The following ARHGAP6 variants were observed in gnomAD, a reference collection of about 807,000 sequenced individuals.
ARHGAP6 encodes the protein rho GTPase-activating protein 6.
ARHGAP6 carries 16 observed loss-of-function variants against 55.7 expected under a neutral mutation model. The observed-to-expected ratio is 0.29, with a 90% CI of 0.19 to 0.44. ARHGAP6 has a LOEUF of 0.44. ARHGAP6 is among the 20% of genes least tolerant of loss of function. ARHGAP6 has a pLI of 1.00. For synonymous variants in ARHGAP6, 382 were observed against 360.9 expected (o/e 1.06, Z -0.66); for missense variants, 698 against 808.9 (o/e 0.86, Z 1.66).
chrX:11,139,276 C>A lies in ARHGAP6; in HGVS notation c.2512G>T (p.Glu838Ter). 2 of 1,192,074 alleles carry A rather than the reference C, an allele frequency of 1.7e-6. No individual in the cohort carries two copies. The highest frequency in any genetic ancestry group is 2.3e-6 in the Non-Finnish European group (2 of 886,418). ...GKAERPTARS[E>*]QYLTLSGAHD... ...GCGCCGCTCAGGGTCAAGTACTGCTCCGACCTGGCCGTGGGCCGCTCGGCT... is the reference window on the plus strand; with the variant it reads ...GCGCCGCTCAGGGTCAAGTACTGCTACGACCTGGCCGTGGGCCGCTCGGCT... Residue 838 changes from glutamate (E) to a stop codon, truncating the protein, a stop_gained, in exon 13 of 13, where the codon GAG becomes TAG. Transcript: ENST00000337414. LOFTEE classifies it low-confidence loss of function (END_TRUNC).
At chrX:11,513,922 G>T (rs2050808792) in intron 1 of ARHGAP6, among the ~76,000 whole-genome samples, 1 of 110,147 alleles carries the variant, frequency 9.1e-6, no homozygotes, top group Non-Finnish European at 1.9e-5. Flanking sequence ...AGCATTTTGG[G>T]AGGCCAAGAA....
chrX:11,428,908 G>A (rs2049916579), intron 1 of ARHGAP6, among the ~76,000 whole-genome samples: 1 of 111,760 alleles, frequency 8.9e-6, no homozygotes, highest in South Asian at 3.9e-4. Context: ...TATCCACCTG[G>A]AAAACTGGAT....
At chrX:11,290,931 T>C (rs1185101197) in intron 1 of ARHGAP6, among the ~76,000 whole-genome samples, 3 of 112,252 alleles carry the variant, frequency 2.7e-5, no homozygotes, top group African/African-American at 9.7e-5. Context: ...TTTAACAAGC[T>C]TGGGCATATG....
chrX:11,509,517 G>T (rs770215975), intron 1 of ARHGAP6, among the ~76,000 whole-genome samples: 1 of 111,651 alleles, frequency 9.0e-6, no homozygotes, highest in African/African-American at 3.2e-5. Flanking sequence ...CAAACACTGA[G>T]GCTCTGCCAA....
chrX:11,457,308 T>C (rs1001178474), intron 1 of ARHGAP6, among the ~76,000 whole-genome samples: 1 of 111,806 alleles, frequency 8.9e-6, no homozygotes, highest in African/African-American at 3.3e-5. Context: ...AGGTGACTTA[T>C]GGGAGTCAGG....
At chrX:11,466,722 T>C (rs1407185896) in intron 1 of ARHGAP6, among the ~76,000 whole-genome samples, 2 of 111,402 alleles carry the variant, frequency 1.8e-5, no homozygotes, top group Admixed American at 9.5e-5. Flanking sequence ...CACACTGATC[T>C]TGAATCCCTG....
intron 1 of ARHGAP6, among the ~76,000 whole-genome samples, chrX:11,307,514 G>C (rs1184113937): frequency 8.9e-6 from 1 of 112,151 alleles, no homozygotes; most frequent in Admixed American, 9.4e-5. Flanking sequence ...TTGCACAGCT[G>C]CATGCAATAA....
intron 1 of ARHGAP6, among the ~76,000 whole-genome samples, chrX:11,369,702 G>A (rs1026215794): frequency 1.8e-5 from 2 of 112,057 alleles, no homozygotes; most frequent in South Asian, 3.7e-4. Flanking sequence ...CAAAACTGGT[G>A]GTAGCTGAAA....
chrX:11,651,823 T>C (rs2052587677), intron 1 of ARHGAP6, among the ~76,000 whole-genome samples: 1 of 112,003 alleles, frequency 8.9e-6, no homozygotes, highest in African/African-American at 3.2e-5. Flanking sequence ...TTTTTAATAG[T>C]AGCCATTCTG....
At chrX:11,446,745 ATACTT>A (rs1330408662) in intron 1 of ARHGAP6, among the ~76,000 whole-genome samples, 1 of 112,406 alleles carries the variant, frequency 8.9e-6, no homozygotes, top group Non-Finnish European at 1.9e-5. Context: ...AAATATGTAA[ATACTT>A]TACAGAGACA....
At chrX:11,494,368 C>G (rs775842698) in intron 1 of ARHGAP6, among the ~76,000 whole-genome samples, 1 of 112,364 alleles carries the variant, frequency 8.9e-6, no homozygotes, top group African/African-American at 3.2e-5. Flanking sequence ...CCTGGACATG[C>G]TATAAAAACT....
chrX:11,200,639 C>G (rs2046606868), intron 2 of ARHGAP6, among the ~76,000 whole-genome samples: 1 of 112,275 alleles, frequency 8.9e-6, no homozygotes, highest in African/African-American at 3.2e-5. Context: ...TCTAGTTAGA[C>G]TAGCTCTCTG....
Position 11,628,989 on chromosome X carries a change from G to A in ARHGAP6, c.588+35252C>T, listed in dbSNP as rs1214736126. 1.6e-4 allele frequency among the ~76,000 whole-genome samples: 13 copies of A among 82,720 alleles called. No individual in the cohort carries two copies. In the Admixed American group the frequency reaches 1.9e-3, roughly 12 times the overall value. 71.8% of individuals were successfully genotyped at this position (82,720 alleles called of 115,157 possible). On this transcript the variant is annotated intron_variant, in intron 1 of 12. Coordinates refer to ENST00000337414, the MANE Select transcript of ARHGAP6 (RefSeq NM_013427.3). ...TCATCCCCATGCTTCAGATACGTGT[G>A]TGTGTGTGTGTGTGTGTGTGTGTGT... is the stretch of plus-strand genomic sequence containing the variant.
At chrX:11,538,850 T>TGG (rs1569388700) in intron 1 of ARHGAP6, among the ~76,000 whole-genome samples, 13 of 60,155 alleles carry the variant, frequency 2.2e-4, no homozygotes, top group African/African-American at 8.1e-4. Flanking sequence ...GTGTGTGTGG[T>TGG]TTTTTTTTTT....
chrX:11,182,211 G>A (rs993146734), intron 5 of ARHGAP6, 93 bp from the exon 6 acceptor site: 15 of 672,587 alleles, frequency 2.2e-5, no homozygotes, highest in Middle Eastern at 3.2e-4. Context: ...GCACAGTGCC[G>A]TAACATGTAG....
intron 5 of ARHGAP6, among the ~76,000 whole-genome samples, chrX:11,182,635 C>CTTTTTTTTT (rs1043810466): frequency 1.3e-4 from 11 of 83,122 alleles, no homozygotes; most frequent in Non-Finnish European, 1.9e-4. Flanking sequence ...TTCCTTTTTT[C>CTTTTTTTTT]TTTTTTTTTT....
chrX:11,568,497 C>T (rs981788657), intron 1 of ARHGAP6, among the ~76,000 whole-genome samples: 2 of 112,355 alleles, frequency 1.8e-5, no homozygotes, highest in African/African-American at 6.5e-5. Context: ...TCTGGCCAAA[C>T]GCAGTGGCTC....
At chrX:11,216,487 C>CA (rs2046884778) in intron 2 of ARHGAP6, among the ~76,000 whole-genome samples, 1 of 111,339 alleles carries the variant, frequency 9.0e-6, no homozygotes, top group Non-Finnish European at 1.9e-5. Context: ...AACCCTGTCT[C>CA]ACCAAAAATA....
At chrX:11,296,213 T>A (rs763630956) in intron 1 of ARHGAP6, among the ~76,000 whole-genome samples, 1 of 112,427 alleles carries the variant, frequency 8.9e-6, no homozygotes, top group East Asian at 2.8e-4. Flanking sequence ...CTTCTTTTGT[T>A]GTATGGAAGT....
Sources: gnomAD v4.1 joint callset for allele counts (sites outside exome capture counted in the v4.1 genomes callset) on GRCh38, gnomAD v4.1.1 for gene constraint, MANE v1.5 for transcripts, NCBI Gene and HGNC (gene_info 2026-07-23, HGNC 2026-07-21) for gene names.